Variants in SVEP1 observed in about 807,000 individuals in gnomAD.
SVEP1 encodes the protein sushi, von Willebrand factor type A, EGF and pentraxin domain-containing protein 1.
SVEP1 carries 164 observed loss-of-function variants against 367.3 expected under a neutral mutation model. The ratio of observed to expected loss-of-function variants is 0.45; its 90% CI spans 0.39 to 0.51. The LOEUF (loss-of-function observed/expected upper bound fraction) is 0.51. Among genes scored for constraint, SVEP1 ranks in the 20% least tolerant of loss-of-function variants. The probability of loss-of-function intolerance (pLI) is 0.00; values close to 1 mark genes in which losing one functional copy is unlikely to be tolerated. For synonymous variants in SVEP1, 1,666 were observed against 1,611.6 expected (o/e 1.03, Z -0.81); for missense variants, 4,117 against 4,425.3 (o/e 0.93, Z 1.98).
At chr9:110,473,175 A>G (rs1588070573) in intron 14 of SVEP1, among the ~76,000 whole-genome samples, 1 of 152,244 alleles carries the variant, frequency 6.6e-6, no homozygotes, top group East Asian at 1.9e-4. Flanking sequence ...AGGCCTCTCT[A>G]CTTAAGTAAA....
rs575780358 is a variant in SVEP1 at position 110,415,618 on chromosome 9, T to C, written c.5976-3883A>G. On this transcript the variant is annotated intron_variant, in intron 36 of 47. Transcript: ENST00000374469. ...CACAGGGCATGTAGATCTATGCCAA[T>C]CAACTCCTTGGGGAAAAGAAATAGA... Among the ~76,000 whole-genome samples the C allele has an allele frequency of 2.0e-5, 3 of 152,098 alleles. No individual in the cohort carries two copies. In the South Asian group the frequency reaches 6.2e-4, roughly 32 times the overall value.
chr9:110,558,043 T>C (rs1588108149), intron 1 of SVEP1, among the ~76,000 whole-genome samples: 1 of 152,148 alleles, frequency 6.6e-6, no homozygotes, highest in Non-Finnish European at 1.5e-5. Context: ...CACATGTGGC[T>C]AGTGGCTATA....
Position 110,427,579 on chromosome 9 carries a change from G to A in SVEP1, c.5975+12C>T. 6.2e-7 allele frequency: 1 copy of A among 1,610,284 alleles called. No homozygotes were observed. The highest frequency in any genetic ancestry group is 8.5e-7 in the Non-Finnish European group (1 of 1,177,980). On this transcript the variant is annotated intron_variant, in intron 36 of 47. Transcript: ENST00000374469. Reference sequence around the variant, plus strand: ...GCTCTCAATGATCCTTTCCTTCACAGGCCCTACTCACCCTTCTTTGCAAGT... The same window carrying A: ...GCTCTCAATGATCCTTTCCTTCACAAGCCCTACTCACCCTTCTTTGCAAGT...
rs199648565 is a variant in SVEP1 at position 110,411,175 on chromosome 9, T to C, written c.6536A>G (p.Lys2179Arg). 2.2e-4 allele frequency: 356 copies of C among 1,613,864 alleles called. No individual in the cohort carries two copies. The highest frequency in any genetic ancestry group is 2.8e-4 in the Non-Finnish European group (334 of 1,179,886). ...AYSCNKGFYI[K>R]GEKKSTCEAT... The stretch of plus-strand genomic sequence containing the variant: ...TTCGCAGGTGCTCTTCTTTTCCCCT[T>C]TGATGTAGAACCCCTTGTTGCAGCT... Residue 2179 changes from lysine (K) to arginine (R), a missense_variant, in exon 37 of 48, where the codon AAA becomes AGA. This residue lies in a region of SVEP1 where 1,765 missense variants were observed against 1,781.1 expected (regional missense o/e 0.99). Transcript: ENST00000374469.
chr9:110,417,059 A>T (rs1828133758), intron 36 of SVEP1, among the ~76,000 whole-genome samples: 1 of 152,066 alleles, frequency 6.6e-6, no homozygotes, highest in African/African-American at 2.4e-5. Context: ...TAGAATCATA[A>T]GGCAACGGAA....
chr9:110,429,474 TA>T, intron 34 of SVEP1, 140 bp from the exon 35 acceptor site: 189 of 455,258 alleles, frequency 4.2e-4, no homozygotes, highest in African/African-American at 6.5e-4. Context: ...ATAATGCTTT[TA>T]AATTAATTTT....
At chr9:110,376,268 GAGCCAGACCAGCTAAGGCAGCCA>G (rs72273943) in intron 45 of SVEP1, among the ~76,000 whole-genome samples, 13,957 of 152,172 alleles carry the variant, frequency 0.092, 823 homozygotes, top group Middle Eastern at 0.14. Context: ...CATGCTCAGT[GAGCCAGACCAGCTAAGGCAGCCA>G]AGCCAGACCT....
intron 40 of SVEP1, among the ~76,000 whole-genome samples, chr9:110,400,548 G>C (rs558599017): frequency 6.6e-5 from 10 of 152,120 alleles, no homozygotes; most frequent in African/African-American, 2.2e-4. Context: ...TGTATTTTTA[G>C]TAGAGACGGG....
chr9:110,572,504 T>G (rs1224949893), intron 1 of SVEP1, among the ~76,000 whole-genome samples: 3 of 152,168 alleles, frequency 2.0e-5, no homozygotes, highest in African/African-American at 4.8e-5. Context: ...ATAAAATACA[T>G]GTAGTGCTAG....
chr9:110,463,656 TGAAA>T (rs10532537), intron 18 of SVEP1, among the ~76,000 whole-genome samples: 22,227 of 141,736 alleles, frequency 0.16, 2,174 homozygotes, highest in East Asian at 0.44. Context: ...GAAAGGCTGA[TGAAA>T]GAAAGAAAGG....
chr9:110,472,399 A>T, intron 14 of SVEP1, 76 bp from the exon 15 acceptor site: 1 of 1,413,968 alleles, frequency 7.1e-7, no homozygotes, highest in African/African-American at 1.4e-5. Flanking sequence ...ATGTTAAGCC[A>T]CAAGTGAAAT....
intron 40 of SVEP1, among the ~76,000 whole-genome samples, chr9:110,392,454 T>C (rs1158899072): frequency 6.6e-6 from 1 of 152,122 alleles, no homozygotes; most frequent in Non-Finnish European, 1.5e-5. Flanking sequence ...AATGTTTTCA[T>C]AGATGGGGTT....
rs530621588 is a variant in SVEP1 at position 110,504,543 on chromosome 9, G to T, written c.1304-1326C>A. On this transcript the variant is annotated intron_variant, in intron 5 of 47. Coordinates refer to ENST00000374469, the MANE Select transcript of SVEP1 (RefSeq NM_153366.4). Reference sequence around the variant, plus strand: ...GATGGTATAGCAAAAAACATAGGAAGTCTGGCTCTCTGATGACAGTGGAGC... The same window carrying T: ...GATGGTATAGCAAAAAACATAGGAATTCTGGCTCTCTGATGACAGTGGAGC... Among the ~76,000 whole-genome samples the T allele has an allele frequency of 5.3e-5, 8 of 152,340 alleles. No homozygotes were observed. In the East Asian group the frequency reaches 1.5e-3, roughly 29 times the overall value.
In SVEP1 at chr9:110,458,874, C is replaced by T. The variant is rs567340521; in HGVS notation, c.3484+78G>A. ...CAAATCCACCGAAAATAGTAATATT[C>T]AGAACTGAAGCTACAACAGAGACAG... On this transcript the variant is annotated intron_variant, in intron 19 of 47. Transcript: ENST00000374469. The T allele has an allele frequency of 2.0e-5, 30 of 1,524,640 alleles. No individual in the cohort carries two copies. In the Admixed American group the frequency reaches 2.9e-4, roughly 15 times the overall value. The allele number at this position is 1,524,640 out of a possible 1,614,324, so 94.4% of individuals were successfully genotyped here.
Position 110,406,913 on chromosome 9 carries a change from T to C in SVEP1, c.8687A>G (p.Gln2896Arg). 2 of 1,613,866 alleles carry C rather than the reference T, an allele frequency of 1.2e-6. No homozygotes were observed. Among genetic ancestry groups the C allele is most frequent in the Non-Finnish European group, 8.5e-7 (1 of 1,179,874 alleles). Residue 2896 changes from glutamine to arginine, a missense_variant, in exon 38 of 48, where the codon CAA becomes CGA. Physicochemically the swap from Gln to Arg is conservative, Grantham distance 43. Transcript: ENST00000374469. ...CVPVRCATPP[Q>R]LANGVTEGLD... is the part of the protein sequence containing the mutation. ...GCCTTCCGTCACCCCATTGGCCAGT[T>C]GTGGCGGGGTGGCACATCTGACAGG...
intron 40 of SVEP1, among the ~76,000 whole-genome samples, chr9:110,391,088 TTAATATTAA>T (rs1172027088): frequency 6.6e-6 from 1 of 152,150 alleles, no homozygotes; most frequent in African/African-American, 2.4e-5. Context: ...TAACAATTCC[TTAATATTAA>T]TAAAATGTCG....
At chr9:110,569,378 C>T (rs1245334837) in intron 1 of SVEP1, among the ~76,000 whole-genome samples, 1 of 149,992 alleles carries the variant, frequency 6.7e-6, no homozygotes, top group Non-Finnish European at 1.5e-5. Flanking sequence ...ATCACTTGAA[C>T]CCGGGAGGTG....
intron 3 of SVEP1, among the ~76,000 whole-genome samples, chr9:110,530,589 T>A (rs1219493304): frequency 6.6e-6 from 1 of 152,146 alleles, no homozygotes; most frequent in Non-Finnish European, 1.5e-5. Context: ...CAGGTTGGAG[T>A]GCAGTGATAT....
chr9:110,481,844 C>T (rs554506347), intron 11 of SVEP1, among the ~76,000 whole-genome samples: 1 of 152,190 alleles, frequency 6.6e-6, no homozygotes, highest in Non-Finnish European at 1.5e-5. Context: ...TCCTGAGTAG[C>T]TGGGACCACA....
Sources: gnomAD v4.1 joint callset for allele counts (sites outside exome capture counted in the v4.1 genomes callset) on GRCh38, gnomAD v4.1.1 for gene constraint, gnomAD v4.1.1 regional missense constraint, MANE v1.5 for transcripts, NCBI Gene and HGNC (gene_info 2026-07-23, HGNC 2026-07-21) for gene names.